ISY1: variants seen among roughly 807,000 people sequenced by gnomAD.
ISY1 encodes ISY1 spliceosome associated protein.
ISY1 carries 12 observed loss-of-function variants against 54.4 expected under a neutral mutation model. The observed-to-expected ratio is 0.22, with a 90% CI of 0.14 to 0.36. ISY1 has a LOEUF of 0.36. Ranked by LOEUF, ISY1 falls within the 10% of genes least tolerant of loss-of-function variation. The probability of loss-of-function intolerance (pLI) is 1.00; values close to 1 mark genes in which losing one functional copy is unlikely to be tolerated. For synonymous variants in ISY1, 96 were observed against 117.9 expected, an observed-to-expected ratio of 0.81 and a Z score of 1.20; for missense variants, 282 against 342.2, an observed-to-expected ratio of 0.82 and a Z score of 1.39.
At chr3:129,153,173 C>T (rs1166691763) in intron 5 of ISY1, among the ~76,000 whole-genome samples, 1 of 151,956 alleles carries the variant, frequency 6.6e-6, no homozygotes, top group Non-Finnish European at 1.5e-5. Flanking sequence ...CCATGCCTGG[C>T]TAATTTTTGT....
chr3:129,159,136 A>C lies in ISY1; in HGVS notation c.26+18T>G, dbSNP rs202113946. 136 of 1,604,772 alleles carry C rather than the reference A, an allele frequency of 8.5e-5. No homozygotes were observed. Among genetic ancestry groups the C allele is most frequent in the Admixed American group, 2.6e-4 (15 of 57,210 alleles). ...TAAGTTACAAAAAATTTACAGCCAA[A>C]AACAAGTTGATACTTACATGGCCTT... On this transcript the variant is annotated intron_variant, in intron 2 of 10. Transcript: ENST00000393295.
intron 1 of ISY1, 55 bp downstream of exon 1, chr3:129,160,918 G>T (rs922350479): frequency 9.0e-6 from 6 of 666,058 alleles, no homozygotes; most frequent in Non-Finnish European, 1.6e-5. Context: ...TGGACTGGGC[G>T]CCCCCCCGCC....
At position 129,134,074 on chromosome 3, in the gene ISY1, C is replaced by T. The variant is rs79550573; in HGVS notation, c.663G>A (p.Glu221=). ...EINIYAVTEE[E]SDEEGSQEKG... ...TGCCAGAGGGGGCCAACCCCAATAC[C>T]TCCTCCTCGGTGACTGCATAGATGT... Residue 221 remains glutamate (E), a splice_region_variant and synonymous_variant, in exon 9 of 11, where the codon GAG becomes GAA. Coordinates refer to ENST00000393295, the MANE Select transcript of ISY1 (RefSeq NM_020701.4). The T allele has an allele frequency of 6.2e-7, 1 of 1,614,068 alleles. No homozygotes were observed. The highest frequency in any genetic ancestry group is 8.5e-7 in the Non-Finnish European group (1 of 1,179,962).
intron 7 of ISY1, among the ~76,000 whole-genome samples, chr3:129,139,923 T>C (rs1266678175): frequency 6.6e-6 from 1 of 152,200 alleles, no homozygotes; most frequent in Non-Finnish European, 1.5e-5. Flanking sequence ...ATTACAGGCA[T>C]GAGCCACAGT....
intron 5 of ISY1, among the ~76,000 whole-genome samples, chr3:129,152,315 T>A (rs914064861): frequency 4.6e-5 from 7 of 152,238 alleles, no homozygotes; most frequent in Non-Finnish European, 8.8e-5. Flanking sequence ...ACACAGTGAA[T>A]TAACTTATTT....
chr3:129,146,892 C>T (rs1331616329), intron 5 of ISY1, among the ~76,000 whole-genome samples: 1 of 151,886 alleles, frequency 6.6e-6, no homozygotes, highest in Non-Finnish European at 1.5e-5. Flanking sequence ...ATCCCATCTC[C>T]ACCAAAAATA....
rs1344544846 is a variant in ISY1 at position 129,142,692 on chromosome 3, T to TTGACTCCAGGAGCTCAAGACCAGC, written c.301-2231_301-2208dup. On this transcript the variant is annotated intron_variant, in intron 6 of 10. Transcript: ENST00000393295. Reference sequence around the variant, plus strand: ...TGGGAGGCTGAGGCAGGATGACTGATTGACTCCAGGAGCTCAAGACCAGCC... The same window carrying TTGACTCCAGGAGCTCAAGACCAGC: ...TGGGAGGCTGAGGCAGGATGACTGATTGACTCCAGGAGCTCAAGACCAGCTGACTCCAGGAGCTCAAGACCAGCC... 2.7e-3 allele frequency among the ~76,000 whole-genome samples: 406 copies of TTGACTCCAGGAGCTCAAGACCAGC among 152,254 alleles called. 2 individuals carry two copies. The highest frequency in any genetic ancestry group is 6.0e-3 in the South Asian group (29 of 4,824).
intron 7 of ISY1, among the ~76,000 whole-genome samples, chr3:129,135,529 G>C (rs554758358): frequency 6.6e-6 from 1 of 152,182 alleles, no homozygotes; most frequent in South Asian, 2.1e-4. Context: ...ACTTTGGGAG[G>C]CCGAGGCGGG....
At position 129,161,021 on chromosome 3, in the gene ISY1, A is replaced by C; in HGVS notation, c.-46T>G. 4 of 1,509,890 alleles carry C rather than the reference A, an allele frequency of 2.6e-6. No individual in the cohort carries two copies. The highest frequency in any genetic ancestry group is 3.6e-6 in the Non-Finnish European group (4 of 1,121,252). 93.5% of individuals were successfully genotyped at this position (1,509,890 alleles called of 1,614,324 possible). A position where few individuals can be genotyped will look rare whatever the true frequency, so the allele number is the denominator to read the frequency against. ...CCTGGAGCCCCGCGGCCCCTGTCCA[A>C]GAAACTCCACAGGCCCAGAAGACGC... is the stretch of plus-strand genomic sequence containing the variant. On this transcript the variant is annotated 5_prime_UTR_variant, in exon 1 of 11. Transcript: ENST00000393295.
rs1450096895 is a variant in ISY1, at chr3:129,134,314, C to G, written c.542-119G>C. On this transcript the variant is annotated intron_variant, in intron 8 of 10. Transcript: ENST00000393295. ...AGACATCCCCTCTAGAAAGGGACAC[C>G]CTTCATTCTGCCCCCGTGGGTGGAA... 12 of 1,532,354 alleles carry G rather than the reference C, an allele frequency of 7.8e-6. No individual in the cohort carries two copies. The Admixed American group carries it at 2.2e-4, about 29-fold the overall frequency. 94.9% of individuals were successfully genotyped at this position (1,532,354 alleles called of 1,614,324 possible).
Position 129,156,915 on chromosome 3 carries a change from T to C in ISY1, c.84A>G (p.Arg28=). ...AQLEEGKVKE[R]RPFLASECTE... is the part of the protein sequence containing the mutation. Reference sequence around the variant, plus strand: ...TACATTCTGAGGCCAGAAAGGGTCTTCGTTCCTAAGGAGAAAAAAATAACA... The same window carrying C: ...TACATTCTGAGGCCAGAAAGGGTCTCCGTTCCTAAGGAGAAAAAAATAACA... Residue 28 remains arginine (R), a synonymous_variant, in exon 4 of 11, where the codon CGA becomes CGG. Coordinates refer to ENST00000393295, the MANE Select transcript of ISY1 (RefSeq NM_020701.4). 6 of 1,613,982 alleles carry C rather than the reference T, an allele frequency of 3.7e-6. No homozygotes were observed. The highest frequency in any genetic ancestry group is 5.1e-6 in the Non-Finnish European group (6 of 1,179,964).
intron 7 of ISY1, among the ~76,000 whole-genome samples, chr3:129,138,053 G>C (rs534483405): frequency 6.7e-6 from 1 of 148,520 alleles, no homozygotes; most frequent in African/African-American, 2.5e-5. Context: ...AAGGCGGGCG[G>C]ATCACAAGGT....
In ISY1 at chr3:129,134,825, G is replaced by A; in HGVS notation, c.541+7C>T. 6.2e-7 allele frequency: 1 copy of A among 1,603,870 alleles called. No individual in the cohort carries two copies. Among genetic ancestry groups the A allele is most frequent in the Non-Finnish European group, 8.5e-7 (1 of 1,173,780 alleles). The stretch of plus-strand genomic sequence containing the variant: ...TCTATTATGAAATAAAATGCCCAGA[G>A]ACCTACGTTTCTTTTCATATTCCTG... On this transcript the variant is annotated splice_region_variant and intron_variant, in intron 8 of 10. Coordinates refer to ENST00000393295, the MANE Select transcript of ISY1 (RefSeq NM_020701.4).
chr3:129,136,679 TTTC>T (rs1478908754), intron 7 of ISY1, among the ~76,000 whole-genome samples: 23 of 149,526 alleles, frequency 1.5e-4, no homozygotes, highest in Non-Finnish European at 2.1e-4. Flanking sequence ...AATTTTGTAT[TTTC>T]TTCTTCTTCT....
In ISY1 at chr3:129,144,362, T is replaced by C. The variant is rs536814113; in HGVS notation, c.300+1399A>G. Among the ~76,000 whole-genome samples, 3 of 152,322 alleles carry C rather than the reference T, an allele frequency of 2.0e-5. No homozygotes were observed. In the East Asian group the frequency reaches 5.8e-4, roughly 29 times the overall value. Reference sequence around the variant, plus strand: ...TGGGAGTGCCTTTCCTCTTCTGCAGTGGGAAGGCTGAATACTCCATTTGTA... The same window carrying C: ...TGGGAGTGCCTTTCCTCTTCTGCAGCGGGAAGGCTGAATACTCCATTTGTA... On this transcript the variant is annotated intron_variant, in intron 6 of 10. Coordinates refer to ENST00000393295, the MANE Select transcript of ISY1 (RefSeq NM_020701.4).
chr3:129,142,925 G>A (rs991349191), intron 6 of ISY1, among the ~76,000 whole-genome samples: 1 of 151,744 alleles, frequency 6.6e-6, no homozygotes, highest in African/African-American at 2.4e-5. Flanking sequence ...CGTGGTGGTG[G>A]GCACCTGTAA....
chr3:129,131,402 A>G (rs1419838542), intron 9 of ISY1, among the ~76,000 whole-genome samples: 2 of 152,214 alleles, frequency 1.3e-5, no homozygotes, highest in Non-Finnish European at 2.9e-5. Context: ...ATTAGACACA[A>G]AAGAGTACAC....
chr3:129,139,441 T>C (rs1325833978), intron 7 of ISY1, among the ~76,000 whole-genome samples: 1 of 152,184 alleles, frequency 6.6e-6, no homozygotes, highest in Non-Finnish European at 1.5e-5. Flanking sequence ...AAAATGCTAA[T>C]AATGGTGAAA....
In ISY1 at chr3:129,156,620, C is replaced by G; in HGVS notation, c.187+13G>C. On this transcript the variant is annotated intron_variant, in intron 5 of 10. Transcript: ENST00000393295. Reference sequence around the variant, plus strand: ...TTGAGAATCAAGCACTTTAAAGGAACAAGTTTGCTTACCATTCTGAATCTG... The same window carrying G: ...TTGAGAATCAAGCACTTTAAAGGAAGAAGTTTGCTTACCATTCTGAATCTG... The G allele has an allele frequency of 6.2e-7, 1 of 1,610,894 alleles. No individual in the cohort carries two copies. Among genetic ancestry groups the G allele is most frequent in the South Asian group, 1.1e-5 (1 of 90,082 alleles).
Sources: gnomAD v4.1 joint callset for allele counts (sites outside exome capture counted in the v4.1 genomes callset) on GRCh38, gnomAD v4.1.1 for gene constraint, MANE v1.5 for transcripts, NCBI Gene and HGNC (gene_info 2026-07-23, HGNC 2026-07-21) for gene names.